ZRANB3: variants seen among roughly 807,000 people sequenced by gnomAD.
ZRANB3 encodes the protein zinc finger RANBP2-type containing 3, also known as DNA annealing helicase and endonuclease ZRANB3.
ZRANB3 carries 125 observed loss-of-function variants against 133.8 expected under a neutral mutation model. The ratio of observed to expected loss-of-function variants is 0.93; its 90% confidence interval spans 0.81 to 1.08. ZRANB3 has a LOEUF of 1.08. Among genes scored for constraint, ZRANB3 ranks in the 50% least tolerant of loss-of-function variants. The probability of loss-of-function intolerance (pLI) is 0.00; values close to 1 mark genes in which losing one functional copy is unlikely to be tolerated. For synonymous variants in ZRANB3, 387 were observed against 432.7 expected (o/e 0.89, Z 1.31); for missense variants, 1,229 against 1,275.5 (o/e 0.96, Z 0.56).
At chr2:135,344,111 A>G (rs1684815867) in intron 6 of ZRANB3, among the ~76,000 whole-genome samples, 1 of 152,250 alleles carries the variant, frequency 6.6e-6, no homozygotes, top group Non-Finnish European at 1.5e-5. Flanking sequence ...TCACTGTTCA[A>G]GCACTTTAGA....
intron 8 of ZRANB3, among the ~76,000 whole-genome samples, chr2:135,292,693 G>A (rs1215635515): frequency 6.6e-6 from 1 of 152,156 alleles, no homozygotes; most frequent in Non-Finnish European, 1.5e-5. Flanking sequence ...TAATGGTATT[G>A]CCTAGGTTTT....
chr2:135,246,348 G>T (rs987212690), intron 12 of ZRANB3, among the ~76,000 whole-genome samples: 1 of 152,104 alleles, frequency 6.6e-6, no homozygotes, highest in Non-Finnish European at 1.5e-5. Flanking sequence ...ATAAAAATAT[G>T]CTTCTAATGA....
At chr2:135,442,246 G>A (rs968389799) in intron 2 of ZRANB3, among the ~76,000 whole-genome samples, 16 of 152,264 alleles carry the variant, frequency 1.1e-4, no homozygotes, top group Admixed American at 5.9e-4. Flanking sequence ...ACTACCAGCA[G>A]AGTGAACAGG....
intron 6 of ZRANB3, among the ~76,000 whole-genome samples, chr2:135,319,669 C>G (rs1307099201): frequency 6.6e-6 from 1 of 152,170 alleles, no homozygotes; most frequent in Non-Finnish European, 1.5e-5. Context: ...CAGCATCTGG[C>G]ACCATAAGAC....
intron 2 of ZRANB3, among the ~76,000 whole-genome samples, chr2:135,486,336 C>A (rs1044968269): frequency 1.3e-5 from 2 of 152,196 alleles, no homozygotes; most frequent in Admixed American, 1.3e-4. Context: ...CTCACAGCAT[C>A]TTCACCAAGA....
chr2:135,381,205 C>T (rs1686676847), intron 3 of ZRANB3, among the ~76,000 whole-genome samples: 1 of 152,204 alleles, frequency 6.6e-6, no homozygotes, highest in South Asian at 2.1e-4. Context: ...GAGATTATAT[C>T]CCATGCCTGG....
intron 3 of ZRANB3, among the ~76,000 whole-genome samples, chr2:135,382,984 A>G (rs1162584603): frequency 6.6e-6 from 1 of 152,208 alleles, no homozygotes; most frequent in Non-Finnish European, 1.5e-5. Flanking sequence ...AAATTCACAC[A>G]TAACAATATT....
intron 5 of ZRANB3, among the ~76,000 whole-genome samples, chr2:135,347,265 AT>A (rs1428878964): frequency 6.7e-6 from 1 of 149,004 alleles, no homozygotes; most frequent in Non-Finnish European, 1.5e-5. Flanking sequence ...TGAGTATATA[AT>A]TTTTGGTGAG....
chr2:135,328,462 T>C (rs574942690), intron 6 of ZRANB3, among the ~76,000 whole-genome samples: 5 of 152,312 alleles, frequency 3.3e-5, no homozygotes, highest in East Asian at 3.9e-4. Flanking sequence ...CAGTCTATCA[T>C]TGATGGACAT....
At chr2:135,231,427 C>T (rs974974822) in intron 12 of ZRANB3, among the ~76,000 whole-genome samples, 1 of 152,130 alleles carries the variant, frequency 6.6e-6, no homozygotes, top group Non-Finnish European at 1.5e-5. Context: ...AATGCTCACA[C>T]ATAATGTTAT....
rs1693578243 is a variant in ZRANB3 at position 135,200,547 on chromosome 2, C to T, written c.3142-107G>A. 4 of 899,308 alleles carry T rather than the reference C, an allele frequency of 4.4e-6. No homozygotes were observed. The South Asian group carries it at 6.4e-5, about 14-fold the overall frequency. 55.7% of individuals were successfully genotyped at this position (899,308 alleles called of 1,614,324 possible). ...GTTTGGAAAATCTACAGTCACTACA[C>T]CCATTTTCCAGTGGTTGGCTATGGA... is the stretch of plus-strand genomic sequence containing the variant. On this transcript the variant is annotated intron_variant, in intron 20 of 20. Transcript: ENST00000264159.
chr2:135,335,545 T>C (rs535805057), intron 6 of ZRANB3, among the ~76,000 whole-genome samples: 4 of 151,990 alleles, frequency 2.6e-5, no homozygotes, highest in African/African-American at 7.2e-5. Flanking sequence ...ATACAAAAAT[T>C]TGCCTGGTGT....
At chr2:135,238,609 C>T (rs1423691839) in intron 12 of ZRANB3, among the ~76,000 whole-genome samples, 4 of 152,080 alleles carry the variant, frequency 2.6e-5, no homozygotes, top group Admixed American at 6.6e-5. Context: ...GGTGATCCAC[C>T]CGCCCCGGCC....
intron 1 of ZRANB3, among the ~76,000 whole-genome samples, chr2:135,517,837 T>C (rs1488661081): frequency 6.6e-6 from 1 of 152,154 alleles, no homozygotes; most frequent in Non-Finnish European, 1.5e-5. Flanking sequence ...CAGGAACATT[T>C]AAGTCTGCTA....
chr2:135,478,871 T>C (rs994873787), intron 2 of ZRANB3, among the ~76,000 whole-genome samples: 2 of 151,824 alleles, frequency 1.3e-5, no homozygotes, highest in African/African-American at 4.8e-5. Flanking sequence ...CATGTTTATG[T>C]ATACCTGTTA....
At chr2:135,243,124 CTT>C (rs1420172457) in intron 12 of ZRANB3, among the ~76,000 whole-genome samples, 1 of 152,244 alleles carries the variant, frequency 6.6e-6, no homozygotes, top group Non-Finnish European at 1.5e-5. Context: ...ATCACAGACT[CTT>C]TTATGATCTC....
At chr2:135,402,381 G>T (rs1445847006) in intron 2 of ZRANB3, among the ~76,000 whole-genome samples, 1 of 148,370 alleles carries the variant, frequency 6.7e-6, no homozygotes, top group African/African-American at 2.5e-5. Flanking sequence ...TGCAACCTCC[G>T]GCTCCCAGGT....
intron 6 of ZRANB3, among the ~76,000 whole-genome samples, chr2:135,344,544 T>G (rs910997668): frequency 2.6e-5 from 4 of 152,168 alleles, no homozygotes. Context: ...GAGACCAGCC[T>G]GGCCAACATG....
chr2:135,489,527 C>G (rs1692282504), intron 2 of ZRANB3, among the ~76,000 whole-genome samples: 1 of 151,562 alleles, frequency 6.6e-6, no homozygotes, highest in Non-Finnish European at 1.5e-5. Flanking sequence ...CTTAAAGAAG[C>G]AATCACCTCT....
Sources: gnomAD v4.1 joint callset for allele counts (sites outside exome capture counted in the v4.1 genomes callset) on GRCh38, gnomAD v4.1.1 for gene constraint, MANE v1.5 for transcripts, NCBI Gene and HGNC (gene_info 2026-07-23, HGNC 2026-07-21) for gene names.